PTPRM: variants seen among roughly 807,000 people sequenced by gnomAD.
The protein encoded by PTPRM is receptor-type tyrosine-protein phosphatase mu.
Under a neutral mutation model 186.7 loss-of-function variants are expected in PTPRM, and 47 were observed. The observed-to-expected ratio is 0.25, with a 90% CI of 0.20 to 0.32. The LOEUF (loss-of-function observed/expected upper bound fraction) is 0.32, where lower values mean the gene tolerates loss of function less well. PTPRM is among the 10% of genes least tolerant of loss of function. The probability of loss-of-function intolerance (pLI) is 1.00; values close to 1 mark genes in which losing one functional copy is unlikely to be tolerated. For synonymous variants in PTPRM, 668 were observed against 674.9 expected (o/e 0.99, Z 0.16); for missense variants, 1,494 against 1,865.0 (o/e 0.80, Z 3.66).
Position 8,113,508 on chromosome 18 carries a change from G to A in PTPRM, c.1879G>A (p.Glu627Lys), listed in dbSNP as rs747488097. The A allele has an allele frequency of 1.2e-6, 2 of 1,613,452 alleles. No homozygotes were observed. Among genetic ancestry groups the A allele is most frequent in the Non-Finnish European group, 1.7e-6 (2 of 1,179,486 alleles). Residue 627 changes from glutamate (E) to lysine (K), a missense_variant, in exon 12 of 33, where the codon GAA becomes AAA. Physicochemically the swap from Glu to Lys is moderately conservative, Grantham distance 56. Around this residue, in one of 3 missense-constraint regions of PTPRM, gnomAD observed 1,107 missense variants for 1,350.2 expected, o/e 0.82. Coordinates refer to ENST00000580170, the MANE Select transcript of PTPRM (RefSeq NM_001105244.2). Reference sequence around the variant, plus strand: ...TAGTGTCTATCAAATAGTTGTTGAGGAAGAACGTCCTCGAAGAACTAAAAA... The same window carrying A: ...TAGTGTCTATCAAATAGTTGTTGAGAAAGAACGTCCTCGAAGAACTAAAAA... ...PVSVYQIVVEEERPRRTKKTT... is the reference protein window; with the variant it reads ...PVSVYQIVVEKERPRRTKKTT...
At chr18:7,838,130 C>T (rs1016543941) in intron 2 of PTPRM, among the ~76,000 whole-genome samples, 2 of 152,128 alleles carry the variant, frequency 1.3e-5, no homozygotes, top group East Asian at 1.9e-4. Flanking sequence ...CTCACAGGTA[C>T]ACATGGCTGG....
chr18:8,227,205 G>A (rs972030171), intron 14 of PTPRM, among the ~76,000 whole-genome samples: 2 of 152,112 alleles, frequency 1.3e-5, no homozygotes, highest in African/African-American at 2.4e-5. Context: ...CACAGGTTTC[G>A]AGATTAGTAG....
At chr18:7,857,059 A>G (rs988391164) in intron 2 of PTPRM, among the ~76,000 whole-genome samples, 1 of 152,040 alleles carries the variant, frequency 6.6e-6, no homozygotes, top group African/African-American at 2.4e-5. Context: ...GCTCAATCTC[A>G]CATGCCATCT....
intron 22 of PTPRM, among the ~76,000 whole-genome samples, chr18:8,341,097 T>C (rs1395835939): frequency 1.3e-5 from 2 of 152,020 alleles, no homozygotes; most frequent in East Asian, 3.9e-4. Context: ...GTGATAATTA[T>C]GCTCCTTCTG....
chr18:7,818,082 T>C (rs2044949312), intron 2 of PTPRM, among the ~76,000 whole-genome samples: 1 of 152,172 alleles, frequency 6.6e-6, no homozygotes, highest in Non-Finnish European at 1.5e-5. Flanking sequence ...TTATTTCCCT[T>C]TTATCTTAGC....
intron 19 of PTPRM, among the ~76,000 whole-genome samples, chr18:8,262,778 G>C (rs778265078): frequency 1.3e-5 from 2 of 152,108 alleles, no homozygotes; most frequent in Non-Finnish European, 2.9e-5. Context: ...TATTCAGTAC[G>C]TATTTGACAA....
At chr18:8,184,939 C>G (rs1001072890) in intron 14 of PTPRM, among the ~76,000 whole-genome samples, 1 of 152,052 alleles carries the variant, frequency 6.6e-6, no homozygotes, top group Non-Finnish European at 1.5e-5. Context: ...TTGCCACGGG[C>G]CTTGAATTCT....
intron 5 of PTPRM, among the ~76,000 whole-genome samples, chr18:7,931,126 G>A (rs1485281506): frequency 6.6e-6 from 1 of 152,134 alleles, no homozygotes; most frequent in East Asian, 1.9e-4. Context: ...GAAGATACTT[G>A]TGATATGTTA....
At chr18:8,239,756 C>T (rs1280035900) in intron 14 of PTPRM, among the ~76,000 whole-genome samples, 1 of 152,154 alleles carries the variant, frequency 6.6e-6, no homozygotes, top group Non-Finnish European at 1.5e-5. Flanking sequence ...TCAGCTTTGA[C>T]TTACTGTTAG....
intron 7 of PTPRM, among the ~76,000 whole-genome samples, chr18:8,023,105 G>A (rs1473615389): frequency 3.8e-5 from 5 of 131,170 alleles, no homozygotes; most frequent in Admixed American, 7.9e-5. Flanking sequence ...TTCATGTTGC[G>A]GAGGTGATGG....
At chr18:8,390,872 G>A (rs577552411) in intron 31 of PTPRM, among the ~76,000 whole-genome samples, 1 of 151,780 alleles carries the variant, frequency 6.6e-6, no homozygotes, top group South Asian at 2.1e-4. Flanking sequence ...AGCTTGCAGT[G>A]AGTCAAGATC....
chr18:8,034,698 C>G (rs538022095), intron 7 of PTPRM, among the ~76,000 whole-genome samples: 35 of 152,178 alleles, frequency 2.3e-4, no homozygotes, highest in Non-Finnish European at 4.7e-4. Flanking sequence ...GCTCAAGGCT[C>G]TCCCCTAGGG....
chr18:7,933,189 C>G (rs1367833674), intron 5 of PTPRM, among the ~76,000 whole-genome samples: 3 of 152,098 alleles, frequency 2.0e-5, no homozygotes, highest in African/African-American at 7.2e-5. Context: ...CCCCAAAGCA[C>G]AGGAGTAGTG....
chr18:8,105,065 G>A (rs1271889463), intron 11 of PTPRM, among the ~76,000 whole-genome samples: 1 of 152,102 alleles, frequency 6.6e-6, no homozygotes, highest in East Asian at 1.9e-4. Flanking sequence ...CTCTATCTGT[G>A]GCTAAAATTG....
chr18:7,737,054 T>G (rs2040785852), intron 1 of PTPRM, among the ~76,000 whole-genome samples: 1 of 152,236 alleles, frequency 6.6e-6, no homozygotes, highest in Non-Finnish European at 1.5e-5. Flanking sequence ...TCCACCTGCC[T>G]TGGCCTCCCA....
chr18:7,568,041 C>A lies in PTPRM; in HGVS notation c.73+150C>A. On this transcript the variant is annotated intron_variant, in intron 1 of 32. Coordinates refer to ENST00000580170, the MANE Select transcript of PTPRM (RefSeq NM_001105244.2). This position sits in a 1 kb window ranked among gnomAD's most constrained non-coding sequence, Gnocchi z 5.1. ...GCCGGACACCGCTTCTGCCTGTGAG[C>A]CGGGCGCTGGGCGAGGGGCCGTGGG... The A allele has an allele frequency of 2.7e-6, 2 of 744,936 alleles. No individual in the cohort carries two copies. The highest frequency in any genetic ancestry group is 3.7e-6 in the Non-Finnish European group (2 of 533,500). 46.1% of individuals were successfully genotyped at this position (744,936 alleles called of 1,614,324 possible). A position where few individuals can be genotyped will look rare whatever the true frequency, so the allele number is the denominator to read the frequency against.
At chr18:8,242,395 A>G (rs561061029) in intron 14 of PTPRM, among the ~76,000 whole-genome samples, 1 of 152,304 alleles carries the variant, frequency 6.6e-6, no homozygotes, top group Admixed American at 6.5e-5. Flanking sequence ...AAGTGCAGCT[A>G]TGGAGATGGA....
At chr18:8,156,145 T>C (rs1009105873) in intron 14 of PTPRM, among the ~76,000 whole-genome samples, 2 of 152,176 alleles carry the variant, frequency 1.3e-5, no homozygotes, top group East Asian at 1.9e-4. Context: ...GTTGAACAAA[T>C]TGACTTTTGT....
intron 1 of PTPRM, among the ~76,000 whole-genome samples, chr18:7,649,796 C>G (rs1194399831): frequency 1.3e-5 from 2 of 152,026 alleles, no homozygotes; most frequent in African/African-American, 2.4e-5. Flanking sequence ...CAACCTTCAG[C>G]AGCCATTACC....
Sources: gnomAD v4.1 joint callset for allele counts (sites outside exome capture counted in the v4.1 genomes callset) on GRCh38, gnomAD v4.1.1 for gene constraint, gnomAD v4.1.1 regional missense constraint, Gnocchi (gnomAD v3.1) non-coding constraint, MANE v1.5 for transcripts, NCBI Gene and HGNC (gene_info 2026-07-23, HGNC 2026-07-21) for gene names.